The following PLEKHA6 variants were observed in gnomAD, a reference collection of about 807,000 sequenced individuals.
PLEKHA6 encodes the protein pleckstrin homology domain-containing family A member 6.
In PLEKHA6, 60 loss-of-function variants were observed where a neutral mutation model predicts 116.7. That is an observed-to-expected ratio of 0.51 (90% CI 0.42 to 0.64). PLEKHA6 has a LOEUF of 0.64. PLEKHA6 is among the 30% of genes least tolerant of loss of function. The pLI is 0.00. For missense variants in PLEKHA6, 1,338 were observed against 1,422.7 expected (o/e 0.94, Z 0.96); for synonymous variants, 489 against 556.1 (o/e 0.88, Z 1.70).
At chr1:204,304,067 C>G (rs924313261) in intron 1 of PLEKHA6, among the ~76,000 whole-genome samples, 1 of 152,132 alleles carries the variant, frequency 6.6e-6, no homozygotes, top group Admixed American at 6.6e-5. Context: ...AAATTGATAT[C>G]AAGATTTTTA....
chr1:204,267,071 G>A (rs1666913856), intron 5 of PLEKHA6, among the ~76,000 whole-genome samples: 1 of 152,202 alleles, frequency 6.6e-6, no homozygotes, highest in Non-Finnish European at 1.5e-5. Context: ...AGATGGGACT[G>A]TGCATTCCAG....
At position 204,359,634 on chromosome 1, in the gene PLEKHA6, G is replaced by A. The variant is rs1407492830; in HGVS notation, c.-95+60C>T. 4 of 985,280 alleles carry A rather than the reference G, an allele frequency of 4.1e-6. No homozygotes were observed. The African/African-American group carries it at 7.0e-5, about 17-fold the overall frequency. The allele number at this position is 985,280 out of a possible 1,614,324, so 61.0% of individuals were successfully genotyped here. On this transcript the variant is annotated intron_variant, in intron 1 of 22. Transcript: ENST00000272203. ...CGGCAGACAGGCAGCTGCCAGCCCT[G>A]ACCAGAGCCCAGCCTTCCTCCTCCC...
chr1:204,257,639 G>A lies in PLEKHA6; in HGVS notation c.1238C>T (p.Ala413Val), dbSNP rs765747991. 4.5e-5 allele frequency: 72 copies of A among 1,609,474 alleles called. No individual in the cohort carries two copies. Among genetic ancestry groups the A allele is most frequent in the Non-Finnish European group, 6.1e-5 (72 of 1,178,326 alleles). ...GGTGGCATCCTGCCGCCCGTAGCTG[G>A]CGGGCTCCTTCCACTCTCGCAGCTG... ...AYQLREWKEP[A>V]SYGRQDATVW... is the part of the protein sequence containing the mutation. The change falls in exon 9 of 23, where the codon GCC (alanine) becomes GTC (valine). Residue 413 changes from alanine (A) to valine (V), a missense_variant. Transcript: ENST00000272203. The surrounding 1 kb of genome is among the most constrained non-coding windows in gnomAD (Gnocchi z 6.5).
intron 17 of PLEKHA6, among the ~76,000 whole-genome samples, chr1:204,237,132 A>G (rs1156772898): frequency 6.6e-6 from 1 of 152,212 alleles, no homozygotes; most frequent in Non-Finnish European, 1.5e-5. Flanking sequence ...GTAGGAGCTT[A>G]TGGAGGTCAG....
At chr1:204,352,636 A>G (rs34549668) in intron 1 of PLEKHA6, among the ~76,000 whole-genome samples, 24,972 of 152,156 alleles carry the variant, frequency 0.16, 2,554 homozygotes, top group Non-Finnish European at 0.23. Context: ...TCTGTATCAT[A>G]TACAGCATGG....
In PLEKHA6 at chr1:204,248,841, C is replaced by T. The variant is rs1664144736; in HGVS notation, c.1804G>A (p.Glu602Lys). 14 of 1,613,908 alleles carry T rather than the reference C, an allele frequency of 8.7e-6. No homozygotes were observed. The highest frequency in any genetic ancestry group is 1.2e-5 in the Non-Finnish European group (14 of 1,179,960). ...GTTACCGTGGTCGCCTGAGACAGCT[C>T]CACGCGGATGTTGATGAGCTGGTTC... ...LQNQLINIRV[E>K]LSQATTALTN... The change falls in exon 12 of 23, where the codon GAG (glutamate) becomes AAG (lysine). Residue 602 changes from glutamate (E) to lysine (K), a missense_variant. Glu to Lys is a moderately conservative substitution (Grantham distance 56, BLOSUM62 1). Coordinates refer to ENST00000272203, the MANE Select transcript of PLEKHA6 (RefSeq NM_014935.5).
intron 3 of PLEKHA6, among the ~76,000 whole-genome samples, chr1:204,365,126 G>A (rs965617562): frequency 6.6e-6 from 1 of 152,160 alleles, no homozygotes; most frequent in African/African-American, 2.4e-5. Context: ...TAGAGGAGAG[G>A]GCTAAAGAGC....
At chr1:204,262,454 C>G (rs1037329705) in intron 6 of PLEKHA6, among the ~76,000 whole-genome samples, 2 of 152,182 alleles carry the variant, frequency 1.3e-5, no homozygotes, top group African/African-American at 4.8e-5. Flanking sequence ...TTTCTGGGAC[C>G]TCAGCACACT....
chr1:204,263,802 G>A (rs1666447779), intron 6 of PLEKHA6, among the ~76,000 whole-genome samples: 1 of 152,094 alleles, frequency 6.6e-6, no homozygotes, highest in African/African-American at 2.4e-5. Context: ...TAAACAGCCT[G>A]TTCCTATTTC....
chr1:204,366,200 AG>A (rs1673644170), intron 3 of PLEKHA6, among the ~76,000 whole-genome samples: 1 of 152,250 alleles, frequency 6.6e-6, no homozygotes, highest in African/African-American at 2.4e-5. Flanking sequence ...AGGAATATGA[AG>A]ATGGTATCTG....
rs1662270719 is a variant in PLEKHA6 at position 204,237,786 on chromosome 1, G to A, written c.2409+3589C>T. ...TTTGTGTGATAATCTTATTCAGAAAGACCTTGATCACTTTTTGCTTCCGCA... is the reference window on the plus strand; with the variant it reads ...TTTGTGTGATAATCTTATTCAGAAAAACCTTGATCACTTTTTGCTTCCGCA... On this transcript the variant is annotated intron_variant, in intron 17 of 22. Coordinates refer to ENST00000272203, the MANE Select transcript of PLEKHA6 (RefSeq NM_014935.5). Among the ~76,000 whole-genome samples, 4 of 152,360 alleles carry A rather than the reference G, an allele frequency of 2.6e-5. No individual in the cohort carries two copies. The South Asian group carries it at 6.2e-4, about 24-fold the overall frequency.
upstream of PLEKHA6, among the ~76,000 whole-genome samples, chr1:204,361,821 C>T (rs373174168): frequency 2.6e-5 from 4 of 152,146 alleles, no homozygotes; most frequent in East Asian, 3.9e-4. Context: ...TCTGACCCTG[C>T]GGAGCCAGTG....
At chr1:204,304,462 A>C (rs925558451) in intron 1 of PLEKHA6, among the ~76,000 whole-genome samples, 1 of 152,240 alleles carries the variant, frequency 6.6e-6, no homozygotes, top group African/African-American at 2.4e-5. Flanking sequence ...TGGCCTTATC[A>C]GGGACAACCA....
chr1:204,358,274 G>A (rs1434977498), intron 1 of PLEKHA6, among the ~76,000 whole-genome samples: 2 of 152,212 alleles, frequency 1.3e-5, no homozygotes, highest in African/African-American at 2.4e-5. Flanking sequence ...GCAGTGCCAG[G>A]AGGGGTGCCT....
chr1:204,365,000 A>C (rs2103401167), intron 3 of PLEKHA6, among the ~76,000 whole-genome samples: 1 of 152,346 alleles, frequency 6.6e-6, no homozygotes, highest in Non-Finnish European at 1.5e-5. Context: ...GCTTGAAGGA[A>C]GAACAAGTGT....
intron 1 of PLEKHA6, among the ~76,000 whole-genome samples, chr1:204,303,775 G>A (rs763540155): frequency 1.9e-4 from 29 of 152,158 alleles, no homozygotes; most frequent in Admixed American, 3.9e-4. Flanking sequence ...GTACAGAGGC[G>A]CAATCACGGC....
Position 204,223,454 on chromosome 1 carries a change from G to A in PLEKHA6, c.*8+8C>T. 7.0e-7 allele frequency: 1 copy of A among 1,438,056 alleles called. No individual in the cohort carries two copies. Among genetic ancestry groups the A allele is most frequent in the Non-Finnish European group, 9.6e-7 (1 of 1,043,018 alleles). 89.1% of individuals were successfully genotyped at this position (1,438,056 alleles called of 1,614,324 possible). A position where few individuals can be genotyped will look rare whatever the true frequency, so the allele number is the denominator to read the frequency against. ...GAGGTGGATGAAATACAGTAGAAAA[G>A]TGCTTACGTCAGAGCTCAGACCCGC... On this transcript the variant is annotated splice_region_variant and intron_variant, in intron 22 of 22. Coordinates refer to ENST00000272203, the MANE Select transcript of PLEKHA6 (RefSeq NM_014935.5). The surrounding 1 kb of genome is among the most constrained non-coding windows in gnomAD (Gnocchi z 4.8).
Position 204,249,165 on chromosome 1 carries a change from G to C in PLEKHA6, c.1674+19C>G. The C allele has an allele frequency of 6.2e-7, 1 of 1,604,726 alleles. No individual in the cohort carries two copies. The highest frequency in any genetic ancestry group is 8.5e-7 in the Non-Finnish European group (1 of 1,171,730). ...CCTCGCCCATCTGCCCCAGCTTAAA[G>C]CCACCCCCAGCTTCTCACCTTCTCA... On this transcript the variant is annotated intron_variant, in intron 11 of 22. Coordinates refer to ENST00000272203, the MANE Select transcript of PLEKHA6 (RefSeq NM_014935.5).
chr1:204,364,777 T>C (rs73061811), upstream of PLEKHA6, among the ~76,000 whole-genome samples: 1 of 152,166 alleles, frequency 6.6e-6, no homozygotes, highest in Non-Finnish European at 1.5e-5. Context: ...CACAGCAGCA[T>C]AACCTGAGAA....
Sources: allele counts gnomAD v4.1 joint callset (sites outside exome capture counted in the v4.1 genomes callset), GRCh38; gene constraint gnomAD v4.1.1; non-coding constraint Gnocchi (gnomAD v3.1); transcripts MANE v1.5; gene names NCBI Gene and HGNC (gene_info 2026-07-23, HGNC 2026-07-21).